Variants in GALNT2 observed in about 807,000 individuals in gnomAD.
The protein encoded by GALNT2 is UDP-GalNAc:polypeptide N-acetylgalactosaminyltransferase 2.
GALNT2 carries 31 observed loss-of-function variants against 81.4 expected under a neutral mutation model. The observed-to-expected ratio is 0.38, with a 90% CI of 0.29 to 0.51. The LOEUF (loss-of-function observed/expected upper bound fraction) is 0.51, where lower values mean the gene tolerates loss of function less well. GALNT2 is among the 20% of genes least tolerant of loss of function. The probability of loss-of-function intolerance (pLI) is 0.87; values close to 1 mark genes in which losing one functional copy is unlikely to be tolerated. For missense variants in GALNT2, 629 were observed against 765.7 expected (o/e 0.82, Z 2.11); for synonymous variants, 303 against 287.4 (o/e 1.05, Z -0.55).
chr1:230,240,359 C>T (rs1283877005), intron 6 of GALNT2, among the ~76,000 whole-genome samples: 1 of 152,102 alleles, frequency 6.6e-6, no homozygotes, highest in Non-Finnish European at 1.5e-5. Context: ...TTTGGGAGGC[C>T]GAGGTGGGCG....
chr1:230,116,583 G>A (rs571828893), intron 1 of GALNT2, among the ~76,000 whole-genome samples: 11 of 152,226 alleles, frequency 7.2e-5, no homozygotes, highest in African/African-American at 2.4e-4. Flanking sequence ...TTGATCCATG[G>A]GCTGCAGAAT....
intron 1 of GALNT2, among the ~76,000 whole-genome samples, chr1:230,089,242 G>A (rs1659988350): frequency 6.6e-6 from 1 of 151,794 alleles, no homozygotes; most frequent in Non-Finnish European, 1.5e-5. Flanking sequence ...CGCCTCCCGG[G>A]TTCAAGCGAT....
rs1178741020 is a variant in GALNT2, at chr1:230,206,051, A to G, written c.374+2761A>G. Among the ~76,000 whole-genome samples, 2 of 152,162 alleles carry G rather than the reference A, an allele frequency of 1.3e-5. 1 individual carries two copies. The highest frequency in any genetic ancestry group is 4.1e-4 in the South Asian group (2 of 4,826). On this transcript the variant is annotated intron_variant, in intron 3 of 15. Coordinates refer to ENST00000366672, the MANE Select transcript of GALNT2 (RefSeq NM_004481.5). ...TGCAGAAATCTTCCCTGATGACTTCAGTCGACTGCTTGGCATGACATCTCC... is the reference window on the plus strand; with the variant it reads ...TGCAGAAATCTTCCCTGATGACTTCGGTCGACTGCTTGGCATGACATCTCC...
At chr1:230,154,711 G>C (rs551348016) in intron 1 of GALNT2, among the ~76,000 whole-genome samples, 2 of 152,158 alleles carry the variant, frequency 1.3e-5, no homozygotes, top group Non-Finnish European at 2.9e-5. Context: ...TCTAAGCCAA[G>C]GAGAGAGGCC....
At chr1:230,068,845 A>T (rs898989519) in intron 1 of GALNT2, among the ~76,000 whole-genome samples, 8 of 152,174 alleles carry the variant, frequency 5.3e-5, no homozygotes, top group African/African-American at 1.7e-4. Context: ...AAAAAATGGT[A>T]TAGGTAGTAT....
At chr1:230,169,565 C>T (rs1427801939) in intron 1 of GALNT2, among the ~76,000 whole-genome samples, 1 of 152,124 alleles carries the variant, frequency 6.6e-6, no homozygotes, top group Admixed American at 6.5e-5. Flanking sequence ...GACAATTGAC[C>T]GACTGTGCGT....
intron 1 of GALNT2, among the ~76,000 whole-genome samples, chr1:230,060,053 A>G (rs533397900): frequency 6.6e-6 from 1 of 152,240 alleles, no homozygotes; most frequent in East Asian, 1.9e-4. Context: ...TAGTATTTTT[A>G]CTTTCCACTA....
chr1:230,272,112 A>G (rs975286960), intron 14 of GALNT2, among the ~76,000 whole-genome samples: 2 of 152,174 alleles, frequency 1.3e-5, no homozygotes, highest in South Asian at 2.1e-4. Context: ...GGAAATGACA[A>G]GGGTTTTAGG....
intron 1 of GALNT2, among the ~76,000 whole-genome samples, chr1:230,093,336 A>G (rs1158421172): frequency 1.3e-5 from 2 of 151,806 alleles, no homozygotes; most frequent in Non-Finnish European, 2.9e-5. Flanking sequence ...AATAACAGAA[A>G]CCAAAAGCAG....
chr1:230,137,378 G>T (rs999831563), intron 1 of GALNT2, among the ~76,000 whole-genome samples: 1 of 152,202 alleles, frequency 6.6e-6, no homozygotes, highest in African/African-American at 2.4e-5. Flanking sequence ...TGTCCTTGGT[G>T]GCTGGGAGGG....
At chr1:230,242,184 A>G (rs1293088818) in intron 6 of GALNT2, among the ~76,000 whole-genome samples, 1 of 152,082 alleles carries the variant, frequency 6.6e-6, no homozygotes, top group East Asian at 1.9e-4. Flanking sequence ...TTATTTTCTT[A>G]TTTTAAGGGG....
intron 2 of GALNT2, among the ~76,000 whole-genome samples, chr1:230,201,782 GGACCT>G (rs1663900492): frequency 6.6e-6 from 1 of 152,194 alleles, no homozygotes; most frequent in African/African-American, 2.4e-5. Flanking sequence ...GTCGACACTA[GGACCT>G]TTGCACTGCG....
At chr1:230,259,164 A>G (rs997169745) in intron 11 of GALNT2, 3 of 152,212 alleles carry the variant, frequency 2.0e-5, no homozygotes, top group African/African-American at 7.2e-5. Context: ...TTAATCTCCT[A>G]TACAGGTTGA....
chr1:230,274,607 A>AC (rs776066070), intron 15 of GALNT2, 43 bp downstream of exon 15: 4 of 1,610,660 alleles, frequency 2.5e-6, no homozygotes, highest in Non-Finnish European at 3.4e-6. Context: ...ATTAACCCAG[A>AC]CCAGGGTAGC....
chr1:230,060,179 A>C (rs1277370522), intron 1 of GALNT2, among the ~76,000 whole-genome samples: 2 of 152,200 alleles, frequency 1.3e-5, no homozygotes, highest in African/African-American at 4.8e-5. Flanking sequence ...AAGAATACAA[A>C]CCACTTACTT....
At chr1:230,126,000 T>C (rs918869888) in intron 1 of GALNT2, among the ~76,000 whole-genome samples, 1 of 152,046 alleles carries the variant, frequency 6.6e-6, no homozygotes, top group Non-Finnish European at 1.5e-5. Context: ...CACAGACAGG[T>C]AGTGACCCTT....
intron 1 of GALNT2, among the ~76,000 whole-genome samples, chr1:230,161,551 G>A (rs985787447): frequency 1.7e-4 from 26 of 152,348 alleles, no homozygotes; most frequent in African/African-American, 6.0e-4. Context: ...TTGGAATCTA[G>A]CAGCTGAATT....
intron 1 of GALNT2, among the ~76,000 whole-genome samples, chr1:230,071,670 C>T (rs1337373490): frequency 6.6e-6 from 1 of 152,114 alleles, no homozygotes; most frequent in Non-Finnish European, 1.5e-5. Context: ...CATACCACTC[C>T]TTGCCACCTA....
intron 1 of GALNT2, among the ~76,000 whole-genome samples, chr1:230,072,035 C>G (rs1375289257): frequency 6.6e-6 from 1 of 151,982 alleles, no homozygotes; most frequent in Non-Finnish European, 1.5e-5. Flanking sequence ...ACCTGGGAGG[C>G]TGGTGAAGGT....
Sources: allele counts gnomAD v4.1 joint callset (sites outside exome capture counted in the v4.1 genomes callset), GRCh38; gene constraint gnomAD v4.1.1; transcripts MANE v1.5; gene names NCBI Gene and HGNC (gene_info 2026-07-23, HGNC 2026-07-21).